The following OPTN variants were observed in gnomAD, a reference collection of about 807,000 sequenced individuals.
OPTN encodes E3-14.7K-interacting protein.
A neutral mutation model predicts 70.4 loss-of-function variants in OPTN; 54 were observed. The ratio of observed to expected loss-of-function variants is 0.77; its 90% CI spans 0.62 to 0.96. OPTN has a LOEUF of 0.96. OPTN is among the 40% of genes least tolerant of loss of function. The pLI, the probability that OPTN is intolerant of heterozygous loss-of-function variation, is 0.00. For synonymous variants in OPTN, 256 were observed against 248.5 expected (o/e 1.03, Z -0.28); for missense variants, 624 against 673.2 (o/e 0.93, Z 0.81).
At chr10:13,113,065 C>T (rs547066692) in intron 5 of OPTN, among the ~76,000 whole-genome samples, 9 of 152,220 alleles carry the variant, frequency 5.9e-5, no homozygotes, top group Non-Finnish European at 1.0e-4. Flanking sequence ...TCTGTCTTCC[C>T]GGCTGGAATG....
At chr10:13,120,983 A>C (rs1232409400) in intron 7 of OPTN, among the ~76,000 whole-genome samples, 1 of 152,150 alleles carries the variant, frequency 6.6e-6, no homozygotes, top group Admixed American at 6.6e-5. Context: ...ACTACCACAC[A>C]CTTAGAAAAC....
chr10:13,134,278 C>T (rs1196491168), intron 14 of OPTN, among the ~76,000 whole-genome samples: 1 of 152,168 alleles, frequency 6.6e-6, no homozygotes, highest in African/African-American at 2.4e-5. Flanking sequence ...TTTCCAGTGA[C>T]CTCTTACCCC....
chr10:13,120,600 T>G (rs1236379089), intron 7 of OPTN, among the ~76,000 whole-genome samples: 1 of 152,030 alleles, frequency 6.6e-6, no homozygotes. Flanking sequence ...TTTTGTAGTT[T>G]CATCTCTGAC....
chr10:13,112,713 C>T, intron 5 of OPTN, 78 bp downstream of exon 5: 1 of 1,379,968 alleles, frequency 7.2e-7, no homozygotes, highest in Non-Finnish European at 1.0e-6. Context: ...ACCACTTTTT[C>T]TTGTCAACAC....
In OPTN at chr10:13,109,115, C is replaced by A. The variant is rs748466734; in HGVS notation, c.-8C>A. On this transcript the variant is annotated 5_prime_UTR_variant, in exon 3 of 15. Transcript: ENST00000378747. ...TCAACAGGTGACTTTTCCACAGGAA[C>A]TTCTGCAATGTCCCATCAACCTCTC... 1 of 1,613,900 alleles carries A rather than the reference C, an allele frequency of 6.2e-7. No homozygotes were observed. The highest frequency in any genetic ancestry group is 1.1e-5 in the South Asian group (1 of 91,076).
At chr10:13,100,976 G>A (rs1007852781) in intron 1 of OPTN, among the ~76,000 whole-genome samples, 4 of 152,236 alleles carry the variant, frequency 2.6e-5, no homozygotes, top group Admixed American at 6.5e-5. Context: ...GAAAATGAAA[G>A]CATAGAAAAG....
Position 13,124,063 on chromosome 10 carries a change from T to C in OPTN, c.951T>C (p.His317=), listed in dbSNP as rs1445637209. The C allele has an allele frequency of 1.2e-6, 2 of 1,613,708 alleles. No homozygotes were observed. Among genetic ancestry groups the C allele is most frequent in the East Asian group, 2.2e-5 (1 of 44,876 alleles). The change falls in exon 9 of 15, where the codon CAT becomes CAC. Residue 317 remains histidine, a synonymous_variant. Transcript: ENST00000378747. The stretch of plus-strand genomic sequence containing the variant: ...TGTTTAAGGAGCTTCAAGAGGCTCA[T>C]ACAAAACTCAGCGAAGCTGAGCTAA... ...TSLFKELQEA[H]TKLSEAELMK...
chr10:13,115,328 G>T, intron 5 of OPTN, among the ~76,000 whole-genome samples: 2 of 93,626 alleles, frequency 2.1e-5, no homozygotes, highest in South Asian at 3.5e-4. Context: ...ATAGAATATA[G>T]AATATATTAT....
At chr10:13,116,397 G>C in intron 6 of OPTN, 57 bp downstream of exon 6, 1 of 1,227,714 alleles carries the variant, frequency 8.1e-7, no homozygotes, top group Non-Finnish European at 1.2e-6. Context: ...CTCGTCACTG[G>C]GTGCTTGTCA....
At chr10:13,113,987 C>T (rs1283145987) in intron 5 of OPTN, among the ~76,000 whole-genome samples, 1 of 151,984 alleles carries the variant, frequency 6.6e-6, no homozygotes, top group Non-Finnish European at 1.5e-5. Context: ...ATCACTTGAA[C>T]CTGGGAGTTT....
chr10:13,111,910 T>TGC, intron 4 of OPTN, among the ~76,000 whole-genome samples: 1 of 132,356 alleles, frequency 7.6e-6, no homozygotes, highest in Non-Finnish European at 1.6e-5. Flanking sequence ...TACAGTGGCA[T>TGC]AATCTCGGCT....
At chr10:13,131,143 G>A (rs1448071512) in intron 12 of OPTN, among the ~76,000 whole-genome samples, 2 of 152,080 alleles carry the variant, frequency 1.3e-5, no homozygotes, top group African/African-American at 2.4e-5. Flanking sequence ...CTGTCAGCAG[G>A]AGGCCTCAGT....
At chr10:13,122,790 C>A (rs1307447904) in intron 8 of OPTN, 1 of 341,388 alleles carries the variant, frequency 2.9e-6, no homozygotes, top group African/African-American at 2.1e-5. Context: ...AGTTCTCCTG[C>A]CTCAGCCTCC....
chr10:13,117,439 G>GT (rs1168488076), intron 6 of OPTN, among the ~76,000 whole-genome samples: 13,084 of 32,714 alleles, frequency 0.4, 2,562 homozygotes, highest in Non-Finnish European at 0.5. Flanking sequence ...TTGAGATGGA[G>GT]TTTTTTTTTT....
At chr10:13,129,310 T>A (rs1833540484) in intron 12 of OPTN, among the ~76,000 whole-genome samples, 1 of 152,070 alleles carries the variant, frequency 6.6e-6, no homozygotes, top group Non-Finnish European at 1.5e-5. Flanking sequence ...GGTCTACTCA[T>A]ATATCTTTGC....
intron 5 of OPTN, among the ~76,000 whole-genome samples, chr10:13,115,441 TATAATATATTCTATATTATATA>T (rs1833161874): frequency 1.9e-5 from 2 of 103,128 alleles, no homozygotes; most frequent in African/African-American, 9.1e-5. Context: ...ATAGAATATA[TATAATATATTCTATATTATATA>T]ATATAGAATA....
chr10:13,113,306 G>A lies in OPTN; in HGVS notation c.552+671G>A, dbSNP rs148030013. Among the ~76,000 whole-genome samples the A allele has an allele frequency of 6.4e-3, 975 of 152,318 alleles. 12 individuals are homozygous for A. The highest frequency in any genetic ancestry group is 0.022 in the African/African-American group (921 of 41,562). ...CTCCCAAAGTGCTGGGATGACAGGC[G>A]TGAGCCACCGCGCCTGGCCAACAGA... On this transcript the variant is annotated intron_variant, in intron 5 of 14. Transcript: ENST00000378747.
At chr10:13,123,910 T>A in intron 8 of OPTN, 85 bp from the exon 9 acceptor site, 3 of 922,726 alleles carry the variant, frequency 3.3e-6, no homozygotes, top group Non-Finnish European at 3.5e-6. Flanking sequence ...TGGCTACTAA[T>A]GGTTCAGCCT....
Position 13,109,247 on chromosome 10 carries a change from A to C in OPTN, c.125A>C (p.Gln42Pro), listed in dbSNP as rs1832940129. 5 of 1,613,918 alleles carry C rather than the reference A, an allele frequency of 3.1e-6. No homozygotes were observed. The highest frequency in any genetic ancestry group is 4.2e-6 in the Non-Finnish European group (5 of 1,179,902). Residue 42 changes from glutamine (Q) to proline (P), a missense_variant, in exon 3 of 15, where the codon CAG becomes CCG. Transcript: ENST00000378747. ...LDTFTPEELL[Q>P]QMKELLTENH... ...ACGTTTACCCCGGAGGAGCTGCTGC[A>C]GCAGATGAAAGAGCTCCTGACCGAG... is the stretch of plus-strand genomic sequence containing the variant.
Sources: allele counts gnomAD v4.1 joint callset (sites outside exome capture counted in the v4.1 genomes callset), GRCh38; gene constraint gnomAD v4.1.1; transcripts MANE v1.5; gene names NCBI Gene and HGNC (gene_info 2026-07-23, HGNC 2026-07-21).